FNDC3B: variants seen among roughly 807,000 people sequenced by gnomAD.
The protein encoded by FNDC3B is fibronectin type III domain-containing protein 3B.
In FNDC3B, 12 loss-of-function variants were observed where a neutral mutation model predicts 151.5. That is an observed-to-expected ratio of 0.08 (90% CI 0.05 to 0.13). The LOEUF is 0.13. Ranked by LOEUF, FNDC3B falls within the 10% of genes least tolerant of loss-of-function variation. The pLI, the probability that FNDC3B is intolerant of heterozygous loss-of-function variation, is 1.00. For missense variants in FNDC3B, 1,214 were observed against 1,505.3 expected, an observed-to-expected ratio of 0.81 and a Z score of 3.20; for synonymous variants, 528 against 549.0, an observed-to-expected ratio of 0.96 and a Z score of 0.54.
At chr3:172,292,809 G>T (rs548318148) in intron 7 of FNDC3B, among the ~76,000 whole-genome samples, 148 of 152,204 alleles carry the variant, frequency 9.7e-4, no homozygotes, top group Non-Finnish European at 1.5e-3. Context: ...TTAATGGTAT[G>T]TGAAGGAATT....
At chr3:172,289,774 G>A (rs1730225815) in intron 7 of FNDC3B, among the ~76,000 whole-genome samples, 2 of 152,250 alleles carry the variant, frequency 1.3e-5, no homozygotes, top group South Asian at 4.1e-4. Context: ...CAGCGTGTAA[G>A]GCAGCAGCCA....
chr3:172,194,434 C>T (rs1211510639), intron 3 of FNDC3B, among the ~76,000 whole-genome samples: 2 of 152,128 alleles, frequency 1.3e-5, no homozygotes, highest in Non-Finnish European at 2.9e-5. Context: ...TGGTTATTTG[C>T]CATTTAAATG....
At chr3:172,287,474 G>A (rs1473678663) in intron 7 of FNDC3B, among the ~76,000 whole-genome samples, 1 of 152,182 alleles carries the variant, frequency 6.6e-6, no homozygotes, top group Non-Finnish European at 1.5e-5. Flanking sequence ...TTGCAGACGG[G>A]GGTGCAGTAT....
At chr3:172,106,416 G>C (rs1719644957) in intron 1 of FNDC3B, among the ~76,000 whole-genome samples, 1 of 152,202 alleles carries the variant, frequency 6.6e-6, no homozygotes, top group African/African-American at 2.4e-5. Flanking sequence ...TAAACTCAGG[G>C]AATCAATTCC....
intron 23 of FNDC3B, 94 bp downstream of exon 23, chr3:172,362,939 C>T: frequency 1.0e-6 from 1 of 963,696 alleles, no homozygotes; most frequent in Non-Finnish European, 1.6e-6. Context: ...TGCACTAAGA[C>T]CCTCTTCCTT....
chr3:172,322,297 G>A (rs999124958), intron 11 of FNDC3B, among the ~76,000 whole-genome samples: 5 of 152,288 alleles, frequency 3.3e-5, no homozygotes, highest in African/African-American at 1.2e-4. Flanking sequence ...ACATGGCCTG[G>A]GGTTCCCACA....
chr3:172,383,332 C>T (rs1048511925), intron 25 of FNDC3B, among the ~76,000 whole-genome samples: 3 of 152,176 alleles, frequency 2.0e-5, no homozygotes, highest in African/African-American at 7.2e-5. Flanking sequence ...TGAGATTTTG[C>T]TGAAGTTGCT....
intron 23 of FNDC3B, among the ~76,000 whole-genome samples, chr3:172,367,117 G>C (rs540332682): frequency 1.9e-4 from 29 of 152,228 alleles, no homozygotes; most frequent in Non-Finnish European, 2.9e-4. Context: ...TAGGACATTT[G>C]TTTCCCATTT....
At chr3:172,364,439 T>C (rs149008732) in intron 23 of FNDC3B, among the ~76,000 whole-genome samples, 472 of 152,248 alleles carry the variant, frequency 3.1e-3, no homozygotes, top group African/African-American at 0.011. Flanking sequence ...GCTAGCTGAG[T>C]TGGGATAAAG....
Position 172,397,402 on chromosome 3 carries a change from C to T in FNDC3B, c.3542C>T (p.Ala1181Val). The change falls in exon 26 of 26, where the codon GCC becomes GTC. Residue 1181 changes from alanine to valine, a missense_variant. Physicochemically the swap from Ala to Val is moderately conservative, Grantham distance 64. This residue lies in a region of FNDC3B where 284 missense variants were observed against 392.4 expected (regional missense o/e 0.72). Transcript: ENST00000415807. ...SMMPTDEQFA[A>V]IIVLGFATLS... Reference sequence around the variant, plus strand: ...ATGCCTACTGATGAACAGTTTGCAGCCATCATTGTGCTTGGCTTTGCAACT... The same window carrying T: ...ATGCCTACTGATGAACAGTTTGCAGTCATCATTGTGCTTGGCTTTGCAACT... 1 of 1,613,970 alleles carries T rather than the reference C, an allele frequency of 6.2e-7. No homozygotes were observed. The highest frequency in any genetic ancestry group is 1.3e-5 in the African/African-American group (1 of 75,030).
chr3:172,203,501 AAG>A (rs775097045), intron 3 of FNDC3B, among the ~76,000 whole-genome samples: 10 of 152,268 alleles, frequency 6.6e-5, no homozygotes, highest in Non-Finnish European at 5.9e-5. Flanking sequence ...ATCAATTCTT[AAG>A]AAACTGCATA....
intron 2 of FNDC3B, among the ~76,000 whole-genome samples, chr3:172,128,023 A>G (rs1720892275): frequency 1.3e-5 from 2 of 152,198 alleles, no homozygotes; most frequent in East Asian, 1.9e-4. Flanking sequence ...GGAGTAGTGG[A>G]TATTCTTGCT....
intron 3 of FNDC3B, among the ~76,000 whole-genome samples, chr3:172,193,986 T>C (rs538190703): frequency 6.8e-4 from 103 of 152,144 alleles, no homozygotes; most frequent in African/African-American, 5.8e-4. Flanking sequence ...TTTGGGAGGC[T>C]GAGGCGGGCG....
At chr3:172,106,707 T>A (rs1026244917) in intron 1 of FNDC3B, among the ~76,000 whole-genome samples, 2 of 152,232 alleles carry the variant, frequency 1.3e-5, no homozygotes, top group Non-Finnish European at 2.9e-5. Context: ...AGTATATAAT[T>A]GCTTTGGCCC....
At chr3:172,228,976 C>T (rs1016556899) in intron 4 of FNDC3B, among the ~76,000 whole-genome samples, 4 of 152,000 alleles carry the variant, frequency 2.6e-5, no homozygotes, top group African/African-American at 4.8e-5. Context: ...ACACACACTT[C>T]AATGAAATGA....
intron 6 of FNDC3B, 77 bp downstream of exon 6, chr3:172,251,618 A>G: frequency 7.4e-7 from 1 of 1,347,886 alleles, no homozygotes; most frequent in Non-Finnish European, 1.0e-6. Context: ...CATCTTTTAC[A>G]TGAGAATATT....
chr3:172,350,442 A>G (rs866739453), intron 21 of FNDC3B, among the ~76,000 whole-genome samples: 8 of 152,170 alleles, frequency 5.3e-5, no homozygotes, highest in Non-Finnish European at 7.3e-5. Flanking sequence ...ATGATATCCT[A>G]TTTTTCTGCC....
chr3:172,118,378 C>T (rs1356166953), intron 2 of FNDC3B, among the ~76,000 whole-genome samples: 1 of 152,154 alleles, frequency 6.6e-6, no homozygotes, highest in African/African-American at 2.4e-5. Flanking sequence ...GCCACGGTGT[C>T]GGGGGACCCG....
intron 2 of FNDC3B, among the ~76,000 whole-genome samples, chr3:172,128,734 T>G (rs1333694292): frequency 6.6e-6 from 1 of 152,168 alleles, no homozygotes; most frequent in East Asian, 1.9e-4. Flanking sequence ...ATTGTATCAT[T>G]TTCCCCCTTA....
Sources: allele counts gnomAD v4.1 joint callset (sites outside exome capture counted in the v4.1 genomes callset), GRCh38; gene constraint gnomAD v4.1.1; regional missense constraint gnomAD v4.1.1; transcripts MANE v1.5; gene names NCBI Gene and HGNC (gene_info 2026-07-23, HGNC 2026-07-21).